The following SRGAP1 variants were observed in gnomAD, a reference collection of about 807,000 sequenced individuals.
SRGAP1 encodes SLIT-ROBO Rho GTPase activating protein 1, also known as SLIT-ROBO Rho GTPase-activating protein 1.
In SRGAP1, 43 loss-of-function variants were observed where a neutral mutation model predicts 121.9. The ratio of observed to expected loss-of-function variants is 0.35; its 90% CI spans 0.28 to 0.46. SRGAP1 has a LOEUF of 0.46. Among genes scored for constraint, SRGAP1 ranks in the 20% least tolerant of loss-of-function variants. The pLI, the probability that SRGAP1 is intolerant of heterozygous loss-of-function variation, is 1.00. For missense variants in SRGAP1, 1,102 were observed against 1,350.9 expected (o/e 0.82, Z 2.89); for synonymous variants, 447 against 485.4 (o/e 0.92, Z 1.04).
At chr12:63,877,434 C>T (rs1900064308) in intron 1 of SRGAP1, among the ~76,000 whole-genome samples, 1 of 152,050 alleles carries the variant, frequency 6.6e-6, no homozygotes, top group Non-Finnish European at 1.5e-5. Flanking sequence ...TAGGAAAATA[C>T]AATTCACATT....
chr12:63,977,189 A>G (rs1010009545), intron 1 of SRGAP1, among the ~76,000 whole-genome samples: 2 of 152,194 alleles, frequency 1.3e-5, no homozygotes, highest in Non-Finnish European at 2.9e-5. Flanking sequence ...GGAATAATCA[A>G]TAGAGCCCGT....
intron 21 of SRGAP1, among the ~76,000 whole-genome samples, chr12:64,135,217 C>G (rs1325337767): frequency 6.6e-6 from 1 of 152,226 alleles, no homozygotes; most frequent in East Asian, 1.9e-4. Context: ...CATCCCCATT[C>G]CAAGTTGCAG....
rs576313183 is a variant in SRGAP1 at position 63,980,748 on chromosome 12, C to T, written c.68-3199C>T. ...AGCTGGGATTATAGGCGCATGCCAC[C>T]ACTCCCGGCTAATTTTTGTATTTTT... On this transcript the variant is annotated intron_variant, in intron 1 of 21. Transcript: ENST00000355086. Among the ~76,000 whole-genome samples, 227 of 152,082 alleles carry T rather than the reference C, an allele frequency of 1.5e-3. 1 individual carries two copies. The highest frequency in any genetic ancestry group is 0.014 in the Middle Eastern group (4 of 294).
At chr12:64,117,025 G>A (rs987535065) in intron 18 of SRGAP1, among the ~76,000 whole-genome samples, 3 of 152,150 alleles carry the variant, frequency 2.0e-5, no homozygotes, top group African/African-American at 7.2e-5. Flanking sequence ...AAGTTGTCTG[G>A]TACCTACCTG....
intron 1 of SRGAP1, among the ~76,000 whole-genome samples, chr12:63,880,107 T>A (rs1900145231): frequency 6.6e-6 from 1 of 152,172 alleles, no homozygotes; most frequent in African/African-American, 2.4e-5. Context: ...GATGATTTTA[T>A]AAAGGGCAGT....
intron 1 of SRGAP1, among the ~76,000 whole-genome samples, chr12:63,857,558 A>G (rs148709931): frequency 1.7e-4 from 25 of 150,768 alleles, no homozygotes; most frequent in Non-Finnish European, 3.2e-4. Flanking sequence ...CTTTTTTTGT[A>G]TTTTTAGTAA....
intron 1 of SRGAP1, among the ~76,000 whole-genome samples, chr12:63,882,731 C>T (rs1467663032): frequency 6.6e-6 from 1 of 152,178 alleles, no homozygotes; most frequent in African/African-American, 2.4e-5. Context: ...TATTTACAGA[C>T]TGTTGGTTAA....
At chr12:64,032,592 C>T in intron 4 of SRGAP1, 2 of 648,742 alleles carry the variant, frequency 3.1e-6, no homozygotes, top group Non-Finnish European at 5.2e-6. Flanking sequence ...TAAGTCCTGC[C>T]CCCGACAGCT....
chr12:64,139,140 A>G (rs573024193), intron 21 of SRGAP1, among the ~76,000 whole-genome samples: 8 of 152,346 alleles, frequency 5.3e-5, no homozygotes, highest in South Asian at 2.1e-4. Flanking sequence ...CCAAGGCAAG[A>G]TACCTAATAT....
chr12:63,986,079 T>C (rs1043301372), intron 2 of SRGAP1, among the ~76,000 whole-genome samples: 1 of 152,034 alleles, frequency 6.6e-6, no homozygotes, highest in Non-Finnish European at 1.5e-5. Context: ...TCTCTCCTCT[T>C]CTCTCCTCTC....
chr12:63,866,484 A>G (rs1398774551), intron 1 of SRGAP1, among the ~76,000 whole-genome samples: 1 of 152,270 alleles, frequency 6.6e-6, no homozygotes, highest in East Asian at 1.9e-4. Context: ...GTCATTAGCA[A>G]GAAAACATAA....
At chr12:63,961,430 C>T (rs1169681938) in intron 1 of SRGAP1, among the ~76,000 whole-genome samples, 1 of 152,188 alleles carries the variant, frequency 6.6e-6, no homozygotes, top group Non-Finnish European at 1.5e-5. Context: ...TTGGATGTGC[C>T]TGGAGCAGAG....
At chr12:64,102,172 A>G (rs1171232311) in intron 15 of SRGAP1, among the ~76,000 whole-genome samples, 1 of 152,252 alleles carries the variant, frequency 6.6e-6, no homozygotes, top group Non-Finnish European at 1.5e-5. Flanking sequence ...TGCTTTATTT[A>G]TTAGGTTGGT....
chr12:64,070,628 C>G (rs968934934), intron 8 of SRGAP1, among the ~76,000 whole-genome samples: 1 of 152,156 alleles, frequency 6.6e-6, no homozygotes, highest in Non-Finnish European at 1.5e-5. Context: ...TTTCCTAGCA[C>G]CATTTAAAGT....
At chr12:64,037,862 G>A (rs2034932202) in intron 4 of SRGAP1, among the ~76,000 whole-genome samples, 1 of 152,148 alleles carries the variant, frequency 6.6e-6, no homozygotes. Context: ...GTGGGTTATG[G>A]GTGGTAAGCA....
chr12:64,105,142 A>AC (rs2036324116), intron 15 of SRGAP1, among the ~76,000 whole-genome samples: 2 of 152,206 alleles, frequency 1.3e-5, no homozygotes, highest in South Asian at 2.1e-4. Flanking sequence ...CAGGTACCTA[A>AC]CATAAGTGGA....
intron 6 of SRGAP1, among the ~76,000 whole-genome samples, chr12:64,062,497 ACT>A (rs1266420085): frequency 6.7e-6 from 1 of 149,628 alleles, no homozygotes; most frequent in African/African-American, 2.5e-5. Context: ...TTCTCTTTTC[ACT>A]CTCTTGATAG....
rs554147135 is a variant in SRGAP1 at position 64,013,103 on chromosome 12, A to G, written c.427-3847A>G. Among the ~76,000 whole-genome samples the G allele has an allele frequency of 5.3e-5, 8 of 152,318 alleles. No individual in the cohort carries two copies. The South Asian group carries it at 1.2e-3, about 24-fold the overall frequency. ...TTTTCTAATTAAAGGATTTCAGTTCATTAGCCTAGTAATGTCGTATGCTAA... is the reference window on the plus strand; with the variant it reads ...TTTTCTAATTAAAGGATTTCAGTTCGTTAGCCTAGTAATGTCGTATGCTAA... On this transcript the variant is annotated intron_variant, in intron 3 of 21. Coordinates refer to ENST00000355086, the MANE Select transcript of SRGAP1 (RefSeq NM_020762.4).
chr12:64,101,027 G>A (rs974162125), intron 15 of SRGAP1, among the ~76,000 whole-genome samples: 7 of 152,036 alleles, frequency 4.6e-5, no homozygotes, highest in Non-Finnish European at 7.4e-5. Flanking sequence ...TAGTAGGAAA[G>A]GTAAGATATT....
Sources: gnomAD v4.1 joint callset for allele counts (sites outside exome capture counted in the v4.1 genomes callset) on GRCh38, gnomAD v4.1.1 for gene constraint, MANE v1.5 for transcripts, NCBI Gene and HGNC (gene_info 2026-07-23, HGNC 2026-07-21) for gene names.